LRMDA: variants seen among roughly 807,000 people sequenced by gnomAD.
LRMDA encodes leucine-rich melanocyte differentiation-associated protein.
LRMDA carries 18 observed loss-of-function variants against 29.8 expected under a neutral mutation model. That is an observed-to-expected ratio of 0.60 (90% confidence interval 0.42 to 0.90). LRMDA has a LOEUF of 0.90. Among genes scored for constraint, LRMDA ranks in the 40% least tolerant of loss-of-function variants. LRMDA has a pLI of 0.00. For synonymous variants in LRMDA, 125 were observed against 109.4 expected, an observed-to-expected ratio of 1.14 and a Z score of -0.89; for missense variants, 273 against 273.9, an observed-to-expected ratio of 1.00 and a Z score of 0.02.
chr10:75,663,585 G>T (rs1832612214), intron 2 of LRMDA, among the ~76,000 whole-genome samples: 1 of 152,188 alleles, frequency 6.6e-6, no homozygotes, highest in Non-Finnish European at 1.5e-5. Context: ...GAGATAAAGG[G>T]ATGACCTGAG....
chr10:76,485,692 T>G (rs1340225640), intron 6 of LRMDA, among the ~76,000 whole-genome samples: 1 of 151,970 alleles, frequency 6.6e-6, no homozygotes, highest in Non-Finnish European at 1.5e-5. Flanking sequence ...AGAATAAGTT[T>G]ACTGGCAATG....
At chr10:75,492,687 CT>C (rs1690002131) in intron 2 of LRMDA, among the ~76,000 whole-genome samples, 2 of 152,340 alleles carry the variant, frequency 1.3e-5, no homozygotes, top group South Asian at 4.1e-4. Flanking sequence ...TGCTCTCCCC[CT>C]AATGCTTTTA....
At chr10:75,511,342 C>T (rs1398991773) in intron 2 of LRMDA, among the ~76,000 whole-genome samples, 1 of 151,998 alleles carries the variant, frequency 6.6e-6, no homozygotes. Flanking sequence ...TTCAAAAAAA[C>T]AACAAAAAAC....
rs941643678 is a variant in LRMDA, at chr10:75,477,404, A to G, written c.131+38910A>G. 4.6e-5 allele frequency among the ~76,000 whole-genome samples: 7 copies of G among 152,114 alleles called. No individual in the cohort carries two copies. In the East Asian group the frequency reaches 1.2e-3, roughly 25 times the overall value. Reference sequence around the variant, plus strand: ...AAATTTCTTTTGGGGGATGGGTACAATTCAGCCCGTAATACCCTTGCCCTA... The same window carrying G: ...AAATTTCTTTTGGGGGATGGGTACAGTTCAGCCCGTAATACCCTTGCCCTA... On this transcript the variant is annotated intron_variant, in intron 2 of 6. Coordinates refer to ENST00000611255, the MANE Select transcript of LRMDA (RefSeq NM_001305581.2).
intron 6 of LRMDA, among the ~76,000 whole-genome samples, chr10:76,339,270 C>G (rs955279481): frequency 2.6e-5 from 3 of 115,158 alleles, no homozygotes; most frequent in African/African-American, 8.5e-5. Flanking sequence ...CCCCCTCCTT[C>G]CAAAAAAAAA....
chr10:76,042,683 AC>A (rs1269764092), intron 3 of LRMDA, among the ~76,000 whole-genome samples: 2 of 152,160 alleles, frequency 1.3e-5, no homozygotes, highest in African/African-American at 4.8e-5. Flanking sequence ...CTCTAGAGAA[AC>A]TTTTTTCCTG....
intron 5 of LRMDA, among the ~76,000 whole-genome samples, chr10:76,322,314 C>T (rs1211836471): frequency 1.3e-5 from 2 of 152,014 alleles, no homozygotes; most frequent in Admixed American, 1.3e-4. Flanking sequence ...AAAGCCAAGT[C>T]AAAGAGCTGG....
At chr10:75,763,651 T>G (rs1417759890) in intron 2 of LRMDA, among the ~76,000 whole-genome samples, 1 of 152,100 alleles carries the variant, frequency 6.6e-6, no homozygotes, top group Non-Finnish European at 1.5e-5. Context: ...TTCGAAGTCT[T>G]CCTTATTTCT....
chr10:76,417,277 A>C (rs1287127969), intron 6 of LRMDA, among the ~76,000 whole-genome samples: 1 of 152,198 alleles, frequency 6.6e-6, no homozygotes, highest in Non-Finnish European at 1.5e-5. Flanking sequence ...TTTTATTAGC[A>C]TGTCTTTCAA....
chr10:75,902,451 C>G (rs975466999), intron 2 of LRMDA, among the ~76,000 whole-genome samples: 2 of 152,004 alleles, frequency 1.3e-5, no homozygotes, highest in African/African-American at 2.4e-5. Context: ...GCAGGGGGCT[C>G]TAGTTACTTG....
At chr10:76,096,714 A>G (rs1020374671) in intron 5 of LRMDA, among the ~76,000 whole-genome samples, 5 of 152,158 alleles carry the variant, frequency 3.3e-5, no homozygotes, top group African/African-American at 1.2e-4. Context: ...ACATCTTAAC[A>G]ATATTGAGTC....
intron 2 of LRMDA, among the ~76,000 whole-genome samples, chr10:75,923,636 T>G (rs1206210271): frequency 6.6e-6 from 1 of 152,192 alleles, no homozygotes; most frequent in Non-Finnish European, 1.5e-5. Flanking sequence ...TGCTTAGAGA[T>G]TTGTTTTTAG....
chr10:75,718,287 T>A (rs1343056333), intron 2 of LRMDA, among the ~76,000 whole-genome samples: 1 of 152,216 alleles, frequency 6.6e-6, no homozygotes, highest in Non-Finnish European at 1.5e-5. Flanking sequence ...TGTTCTCTTC[T>A]GGGTGTTTCT....
intron 2 of LRMDA, among the ~76,000 whole-genome samples, chr10:75,629,524 A>G (rs1841296867): frequency 6.6e-6 from 1 of 152,222 alleles, no homozygotes; most frequent in African/African-American, 2.4e-5. Context: ...CGAGTGTTAT[A>G]GCCTCACAAC....
In LRMDA at chr10:76,129,504, G is replaced by A. The variant is rs548873176; in HGVS notation, c.516+70721G>A. 1.3e-4 allele frequency among the ~76,000 whole-genome samples: 20 copies of A among 152,296 alleles called. No individual in the cohort carries two copies. In the South Asian group the frequency reaches 2.7e-3, roughly 21 times the overall value. ...GAGCTCATGGCAAACCTTCTTGGGT[G>A]TAGGGTACTCAGCTCTGTCCCCCTC... On this transcript the variant is annotated intron_variant, in intron 5 of 6. Coordinates refer to ENST00000611255, the MANE Select transcript of LRMDA (RefSeq NM_001305581.2).
intron 5 of LRMDA, among the ~76,000 whole-genome samples, chr10:76,232,800 G>T (rs538559863): frequency 3.9e-5 from 6 of 152,184 alleles, no homozygotes; most frequent in Non-Finnish European, 7.4e-5. Context: ...GGGGACACAG[G>T]GGTGGTCCCC....
At chr10:76,523,624 A>T (rs949172659) in intron 6 of LRMDA, among the ~76,000 whole-genome samples, 2 of 152,056 alleles carry the variant, frequency 1.3e-5, no homozygotes, top group African/African-American at 4.8e-5. Context: ...GAAGGGAGGG[A>T]TGGGAAAAAG....
intron 5 of LRMDA, among the ~76,000 whole-genome samples, chr10:76,221,206 T>C (rs1308957113): frequency 2.6e-5 from 4 of 152,008 alleles, no homozygotes; most frequent in African/African-American, 9.7e-5. Context: ...CTTTGAAAAC[T>C]GGCACAAGAC....
intron 5 of LRMDA, among the ~76,000 whole-genome samples, chr10:76,245,957 C>A (rs905259823): frequency 6.6e-6 from 1 of 152,162 alleles, no homozygotes; most frequent in Non-Finnish European, 1.5e-5. Context: ...ATTAGAGATA[C>A]GATACTAGCA....
Sources: allele counts gnomAD v4.1 joint callset (sites outside exome capture counted in the v4.1 genomes callset), GRCh38; gene constraint gnomAD v4.1.1; transcripts MANE v1.5; gene names NCBI Gene and HGNC (gene_info 2026-07-23, HGNC 2026-07-21).